The following GALNTL6 variants were observed in gnomAD, a reference collection of about 807,000 sequenced individuals.
GALNTL6 encodes the protein polypeptide N-acetylgalactosaminyltransferase-like 6.
Under a neutral mutation model 73.7 loss-of-function variants are expected in GALNTL6, and 46 were observed. The ratio of observed to expected loss-of-function variants is 0.62; its 90% CI spans 0.49 to 0.80. GALNTL6 has a LOEUF of 0.80. Ranked by LOEUF, GALNTL6 falls within the 30% of genes least tolerant of loss-of-function variation. The pLI is 0.00. For missense variants in GALNTL6, 604 were observed against 755.0 expected (o/e 0.80, Z 2.34); for synonymous variants, 259 against 263.7 (o/e 0.98, Z 0.17).
At chr4:172,596,498 T>A (rs1737862860) in intron 5 of GALNTL6, among the ~76,000 whole-genome samples, 1 of 151,844 alleles carries the variant, frequency 6.6e-6, no homozygotes, top group Non-Finnish European at 1.5e-5. Flanking sequence ...AGAAGGGGTT[T>A]CACCCAAAAG....
At chr4:172,156,541 A>ATATATGTATATATATATAC (rs1734276378) in intron 2 of GALNTL6, among the ~76,000 whole-genome samples, 7 of 7,414 alleles carry the variant, frequency 9.4e-4, no homozygotes, top group East Asian at 2.3e-3. Context: ...TATATATATA[A>ATATATGTATATATATATAC]TATATATATA....
In GALNTL6 at chr4:173,021,564, G is replaced by A; in HGVS notation, c.1577G>A (p.Ser526Asn). The A allele has an allele frequency of 6.2e-7, 1 of 1,614,118 alleles. No homozygotes were observed. Residue 526 changes from serine to asparagine, a missense_variant, in exon 12 of 13, where the codon AGC becomes AAC. By Grantham distance (46) the Ser-to-Asn change is conservative (BLOSUM62 1). Transcript: ENST00000506823. ...TGCTTTGATGCGATCTCACACAACA[G>A]CCCCGTTACACTCTATGACTGTCAT... ...KFCFDAISHN[S>N]PVTLYDCHGM... is the part of the protein sequence containing the mutation.
chr4:172,019,164 C>A (rs1741315357), intron 2 of GALNTL6, among the ~76,000 whole-genome samples: 1 of 152,080 alleles, frequency 6.6e-6, no homozygotes, highest in South Asian at 2.1e-4. Flanking sequence ...TACACTCCTG[C>A]AATGGTTTTT....
chr4:172,053,025 T>C (rs934156584), intron 2 of GALNTL6, among the ~76,000 whole-genome samples: 13 of 152,166 alleles, frequency 8.5e-5, no homozygotes, highest in East Asian at 5.8e-4. Flanking sequence ...AACCTTACTA[T>C]GTAAAATAAT....
intron 2 of GALNTL6, among the ~76,000 whole-genome samples, chr4:171,990,196 A>G (rs1345276109): frequency 1.3e-5 from 2 of 152,228 alleles, no homozygotes; most frequent in Non-Finnish European, 2.9e-5. Context: ...TTTTATTTAT[A>G]ATCTTCATGT....
At chr4:172,415,871 A>G (rs1309594208) in intron 5 of GALNTL6, among the ~76,000 whole-genome samples, 1 of 152,154 alleles carries the variant, frequency 6.6e-6, no homozygotes, top group Non-Finnish European at 1.5e-5. Flanking sequence ...TTTCCATGCA[A>G]TGTCTGGAAT....
intron 5 of GALNTL6, among the ~76,000 whole-genome samples, chr4:172,608,033 A>G (rs1390623600): frequency 2.0e-5 from 3 of 152,132 alleles, no homozygotes; most frequent in Non-Finnish European, 2.9e-5. Context: ...GATCCTAGAT[A>G]TTAGATCTTT....
At chr4:172,179,418 A>AT (rs1345880735) in intron 2 of GALNTL6, among the ~76,000 whole-genome samples, 76 of 135,306 alleles carry the variant, frequency 5.6e-4, no homozygotes, top group Non-Finnish European at 8.2e-4. Flanking sequence ...GATGATGAGC[A>AT]TTTTTTCATG....
At position 171,908,694 on chromosome 4, in the gene GALNTL6, C is replaced by T. The variant is rs188849362; in HGVS notation, c.138+93976C>T. Among the ~76,000 whole-genome samples, 92 of 150,782 alleles carry T rather than the reference C, an allele frequency of 6.1e-4. 1 individual carries two copies. In the East Asian group the frequency reaches 0.014, roughly 23 times the overall value. ...ATGCTGCTATAAAGACACATGAACACGTATGTTTATTGCGGCACTATTCAC... is the reference window on the plus strand; with the variant it reads ...ATGCTGCTATAAAGACACATGAACATGTATGTTTATTGCGGCACTATTCAC... On this transcript the variant is annotated intron_variant, in intron 2 of 12. Transcript: ENST00000506823.
chr4:172,614,890 G>T (rs1738663719), intron 5 of GALNTL6, among the ~76,000 whole-genome samples: 1 of 152,002 alleles, frequency 6.6e-6, no homozygotes, highest in Non-Finnish European at 1.5e-5. Flanking sequence ...AATGGGTTTG[G>T]TTAAACAAAA....
chr4:172,748,153 G>A (rs1393387599), intron 5 of GALNTL6, among the ~76,000 whole-genome samples: 1 of 152,156 alleles, frequency 6.6e-6, no homozygotes, highest in Admixed American at 6.6e-5. Flanking sequence ...ATACATTTAA[G>A]AAAGATTAAT....
At chr4:172,189,275 T>C (rs1451050339) in intron 2 of GALNTL6, among the ~76,000 whole-genome samples, 1 of 152,186 alleles carries the variant, frequency 6.6e-6, no homozygotes, top group Non-Finnish European at 1.5e-5. Flanking sequence ...AATATCTGTA[T>C]AGTTCTACTG....
At chr4:172,395,197 C>T (rs1028941014) in intron 5 of GALNTL6, among the ~76,000 whole-genome samples, 1 of 152,174 alleles carries the variant, frequency 6.6e-6, no homozygotes, top group African/African-American at 2.4e-5. Context: ...TCAAGAGTTA[C>T]ACCCATGAGT....
intron 5 of GALNTL6, among the ~76,000 whole-genome samples, chr4:172,488,079 G>A (rs1197285572): frequency 6.6e-6 from 1 of 152,156 alleles, no homozygotes; most frequent in Non-Finnish European, 1.5e-5. Context: ...TGGAACTTAA[G>A]ACTACTGGAG....
chr4:172,764,924 T>C lies in GALNTL6; in HGVS notation c.554-44437T>C, dbSNP rs571026557. ...GTGAAGAAGTGTTATTGGGGATTTT[T>C]AGGAAGAACTTTGTGAAGAGAGTGT... On this transcript the variant is annotated intron_variant, in intron 5 of 12. Coordinates refer to ENST00000506823, the MANE Select transcript of GALNTL6 (RefSeq NM_001034845.3). Among the ~76,000 whole-genome samples the C allele has an allele frequency of 9.2e-5, 14 of 152,348 alleles. No individual in the cohort carries two copies. The East Asian group carries it at 2.7e-3, about 29-fold the overall frequency.
At chr4:172,217,323 C>T (rs1456580439) in intron 2 of GALNTL6, among the ~76,000 whole-genome samples, 1 of 152,150 alleles carries the variant, frequency 6.6e-6, no homozygotes. Flanking sequence ...GCAGGAGTCA[C>T]ATTGGAAAGT....
intron 7 of GALNTL6, among the ~76,000 whole-genome samples, chr4:172,814,048 C>A (rs1741463018): frequency 6.6e-6 from 1 of 152,156 alleles, no homozygotes; most frequent in Admixed American, 6.5e-5. Context: ...TGTTTCTGTT[C>A]TTTTGACTTT....
chr4:172,378,045 G>A (rs1047978446), intron 5 of GALNTL6, among the ~76,000 whole-genome samples: 5 of 152,126 alleles, frequency 3.3e-5, no homozygotes, highest in African/African-American at 9.7e-5. Context: ...TGCTGAGGCC[G>A]CTAAGCAGGC....
chr4:173,006,873 T>A (rs114326363), intron 10 of GALNTL6, among the ~76,000 whole-genome samples: 3,584 of 152,324 alleles, frequency 0.024, 69 homozygotes, highest in African/African-American at 0.051. Flanking sequence ...TTTCCTTGGA[T>A]TCTCAGAGAA....
Sources: gnomAD v4.1 joint callset for allele counts (sites outside exome capture counted in the v4.1 genomes callset) on GRCh38, gnomAD v4.1.1 for gene constraint, MANE v1.5 for transcripts, NCBI Gene and HGNC (gene_info 2026-07-23, HGNC 2026-07-21) for gene names.